Variants in EYA1 observed in about 807,000 individuals in gnomAD.
The protein encoded by EYA1 is EYA transcriptional coactivator and phosphatase 1.
A neutral mutation model predicts 82.0 loss-of-function variants in EYA1; 16 were observed. The ratio of observed to expected loss-of-function variants is 0.20; its 90% CI spans 0.13 to 0.30. EYA1 has a LOEUF of 0.30. Ranked by LOEUF, EYA1 falls within the 10% of genes least tolerant of loss-of-function variation. The pLI is 1.00. For synonymous variants in EYA1, 261 were observed against 264.4 expected, an observed-to-expected ratio of 0.99 and a Z score of 0.12; for missense variants, 633 against 730.7, an observed-to-expected ratio of 0.87 and a Z score of 1.54.
chr8:71,213,212 TA>T (rs1455508927), intron 16 of EYA1, among the ~76,000 whole-genome samples: 1 of 152,176 alleles, frequency 6.6e-6, no homozygotes, highest in African/African-American at 2.4e-5. Context: ...AAATGCCCAT[TA>T]AAAAAACAAT....
intron 16 of EYA1, among the ~76,000 whole-genome samples, chr8:71,213,415 T>C (rs948037879): frequency 1.3e-5 from 2 of 152,206 alleles, no homozygotes; most frequent in Non-Finnish European, 1.5e-5. Flanking sequence ...AATCCCTGTT[T>C]ACAACACAAT....
intron 3 of EYA1, among the ~76,000 whole-genome samples, chr8:71,353,987 T>C (rs1189907518): frequency 6.6e-6 from 1 of 152,200 alleles, no homozygotes; most frequent in Non-Finnish European, 1.5e-5. Flanking sequence ...ATGCAATATG[T>C]AACATATCTT....
At chr8:71,354,007 T>G (rs1260123005) in intron 3 of EYA1, among the ~76,000 whole-genome samples, 1 of 152,170 alleles carries the variant, frequency 6.6e-6, no homozygotes, top group Non-Finnish European at 1.5e-5. Flanking sequence ...TTCCATATGT[T>G]GAAGTTCTAA....
At chr8:71,545,722 C>A (rs1586922884) in intron 1 of EYA1, among the ~76,000 whole-genome samples, 1 of 151,916 alleles carries the variant, frequency 6.6e-6, no homozygotes, top group Admixed American at 6.6e-5. Context: ...CCACCACGCC[C>A]AGCTAATTTT....
At chr8:71,480,940 T>G (rs1810098221) in intron 2 of EYA1, among the ~76,000 whole-genome samples, 1 of 152,278 alleles carries the variant, frequency 6.6e-6, no homozygotes, top group African/African-American at 2.4e-5. Flanking sequence ...ATTAGAATTT[T>G]TTTTTCTGGT....
chr8:71,419,481 C>T (rs1831029499), intron 2 of EYA1, among the ~76,000 whole-genome samples: 1 of 152,084 alleles, frequency 6.6e-6, no homozygotes, highest in Non-Finnish European at 1.5e-5. Flanking sequence ...CTTTGAGACA[C>T]TCAATTTTCT....
At chr8:71,437,085 A>T (rs1263682008) in intron 2 of EYA1, among the ~76,000 whole-genome samples, 7 of 42,034 alleles carry the variant, frequency 1.7e-4, no homozygotes, top group African/African-American at 2.7e-4. Context: ...CATCTTGTTT[A>T]TATATATATA....
chr8:71,471,391 T>A (rs1334784137), intron 2 of EYA1, among the ~76,000 whole-genome samples: 1 of 152,076 alleles, frequency 6.6e-6, no homozygotes, highest in Non-Finnish European at 1.5e-5. Context: ...TATACACACA[T>A]AATTTTAATA....
At chr8:71,276,300 C>G (rs542127648) in intron 9 of EYA1, among the ~76,000 whole-genome samples, 1 of 152,272 alleles carries the variant, frequency 6.6e-6, no homozygotes, top group East Asian at 1.9e-4. Flanking sequence ...CCATGGCCCT[C>G]TTATCCCACT....
At chr8:71,449,861 G>A (rs1303501770) in intron 2 of EYA1, among the ~76,000 whole-genome samples, 1 of 152,188 alleles carries the variant, frequency 6.6e-6, no homozygotes, top group Non-Finnish European at 1.5e-5. Flanking sequence ...CTGGAAACTT[G>A]CTGCAGAAGT....
intron 2 of EYA1, among the ~76,000 whole-genome samples, chr8:71,496,574 T>C (rs1811429363): frequency 6.6e-6 from 1 of 152,244 alleles, no homozygotes; most frequent in African/African-American, 2.4e-5. Context: ...TTAGAAGTTA[T>C]AGCTACCCAC....
intron 6 of EYA1, among the ~76,000 whole-genome samples, chr8:71,319,675 C>A (rs748046181): frequency 7.9e-5 from 12 of 152,130 alleles, no homozygotes; most frequent in Non-Finnish European, 1.6e-4. Flanking sequence ...GATACACCAA[C>A]CTTTTCTTAC....
At chr8:71,252,201 A>G (rs1355408465) in intron 11 of EYA1, among the ~76,000 whole-genome samples, 1 of 151,918 alleles carries the variant, frequency 6.6e-6, no homozygotes, top group East Asian at 2.0e-4. Context: ...TTAATTTACC[A>G]AGACTCTCAC....
At chr8:71,471,254 A>G (rs748711898) in intron 2 of EYA1, among the ~76,000 whole-genome samples, 139 of 152,150 alleles carry the variant, frequency 9.1e-4, no homozygotes, top group Admixed American at 2.2e-3. Context: ...AACAATTGTT[A>G]TACAATTGGG....
At chr8:71,263,656 T>A (rs1815412247) in intron 11 of EYA1, among the ~76,000 whole-genome samples, 1 of 152,278 alleles carries the variant, frequency 6.6e-6, no homozygotes, top group Non-Finnish European at 1.5e-5. Flanking sequence ...GCTCAGAGCA[T>A]CACCTACAGC....
chr8:71,254,784 T>A (rs1054601033), intron 11 of EYA1, among the ~76,000 whole-genome samples: 1 of 152,118 alleles, frequency 6.6e-6, no homozygotes, highest in Non-Finnish European at 1.5e-5. Context: ...AGTAAAATGA[T>A]ATCTGTTTAC....
chr8:71,343,057 T>C (rs1207590440), intron 3 of EYA1, among the ~76,000 whole-genome samples: 1 of 152,164 alleles, frequency 6.6e-6, no homozygotes, highest in African/African-American at 2.4e-5. Flanking sequence ...AAATGTTACA[T>C]TTTGTTTTGA....
chr8:71,508,116 C>T (rs2129246431), intron 2 of EYA1, among the ~76,000 whole-genome samples: 1 of 152,298 alleles, frequency 6.6e-6, no homozygotes, highest in East Asian at 1.9e-4. Context: ...CAGTGACTGC[C>T]TCCTTTGTCC....
intron 2 of EYA1, among the ~76,000 whole-genome samples, chr8:71,425,973 T>C (rs376988111): frequency 1.9e-4 from 29 of 152,338 alleles, no homozygotes; most frequent in South Asian, 1.9e-3. Flanking sequence ...ATTAAAGCTA[T>C]ATAGACCTCA....
Sources: allele counts gnomAD v4.1 joint callset (sites outside exome capture counted in the v4.1 genomes callset), GRCh38; gene constraint gnomAD v4.1.1; transcripts MANE v1.5; gene names NCBI Gene and HGNC (gene_info 2026-07-23, HGNC 2026-07-21).